The following APEX2 variants were observed in gnomAD, a reference collection of about 807,000 sequenced individuals.
APEX2 encodes the protein DNA-(apurinic or apyrimidinic site) endonuclease 2.
In APEX2, 4 loss-of-function variants were observed where a neutral mutation model predicts 16.7. That is an observed-to-expected ratio of 0.24 (90% CI 0.12 to 0.55). APEX2 has a LOEUF of 0.55. APEX2 is among the 20% of genes least tolerant of loss of function. The pLI, the probability that APEX2 is intolerant of heterozygous loss-of-function variation, is 0.94. For synonymous variants in APEX2, 181 were observed against 166.9 expected (o/e 1.08, Z -0.65); for missense variants, 357 against 433.6 (o/e 0.82, Z 1.57).
rs1186859568 is a variant in APEX2 at position 55,008,898 on chromosome X, G to GT, written c.*1468dup. On this transcript the variant is annotated 3_prime_UTR_variant, in exon 6 of 6. Transcript: ENST00000374987. ...CTAGCTCTTTGCAACTCACTGTGTAGTTTTTGGGCATTTCCTTCCTCTTTC... is the reference window on the plus strand; with the variant it reads ...CTAGCTCTTTGCAACTCACTGTGTAGTTTTTTGGGCATTTCCTTCCTCTTTC... The GT allele has an allele frequency of 5.7e-6, 2 of 348,930 alleles. No homozygotes were observed. The highest frequency in any genetic ancestry group is 2.6e-5 in the African/African-American group (1 of 38,713). The allele number at this position is 348,930 out of a possible 1,213,427, so 28.8% of individuals were successfully genotyped here.
At position 55,009,033 on chromosome X, in the gene APEX2, C is replaced by G. The variant is rs1036863783; in HGVS notation, c.*1598C>G. The G allele has an allele frequency of 1.3e-6, 1 of 760,615 alleles. No homozygotes were observed. Among genetic ancestry groups the G allele is most frequent in the Admixed American group, 3.0e-5 (1 of 32,887 alleles). 62.7% of individuals were successfully genotyped at this position (760,615 alleles called of 1,213,427 possible). A position where few individuals can be genotyped will look rare whatever the true frequency, so the allele number is the denominator to read the frequency against. Reference sequence around the variant, plus strand: ...GAGTCAGAATGCACTTGTCTGTTCCCTGTCCAATAAAAGGCTTCACATGCT... The same window carrying G: ...GAGTCAGAATGCACTTGTCTGTTCCGTGTCCAATAAAAGGCTTCACATGCT... On this transcript the variant is annotated 3_prime_UTR_variant, in exon 6 of 6. Coordinates refer to ENST00000374987, the MANE Select transcript of APEX2 (RefSeq NM_014481.4).
chrX:55,007,401 G>A lies in APEX2; in HGVS notation c.1523G>A (p.Arg508Gln), dbSNP rs948894054. Residue 508 changes from arginine (R) to glutamine (Q), a missense_variant, in exon 6 of 6, where the codon CGG becomes CAG. Arg to Gln is a conservative substitution (Grantham distance 43). Transcript: ENST00000374987. ...PRGPPTDPSS[R>Q]CNFFLWSRPS Reference sequence around the variant, plus strand: ...GGTCCTCCCACTGACCCCTCCTCCCGGTGCAACTTCTTCCTCTGGAGCAGG... The same window carrying A: ...GGTCCTCCCACTGACCCCTCCTCCCAGTGCAACTTCTTCCTCTGGAGCAGG... The A allele has an allele frequency of 3.5e-5, 41 of 1,175,474 alleles. No individual in the cohort carries two copies. The highest frequency in any genetic ancestry group is 1.4e-4 in the African/African-American group (8 of 56,317).
At position 55,003,801 on chromosome X, in the gene APEX2, A is replaced by G; in HGVS notation, c.572A>G (p.His191Arg). 8.3e-7 allele frequency: 1 copy of G among 1,210,811 alleles called. No homozygotes were observed. The highest frequency in any genetic ancestry group is 1.1e-6 in the Non-Finnish European group (1 of 894,787). The change falls in exon 5 of 6, where the codon CAT (histidine) becomes CGT (arginine). Residue 191 changes from histidine to arginine, a missense_variant and splice_region_variant. Transcript: ENST00000374987. ...RAEALLAAGS[H>R]VIILGDLNTA... ...CAATCCCACATTGTGTTTTTCAGCC[A>G]TGTGATCATTCTGGGTGACCTGAAT... is the stretch of plus-strand genomic sequence containing the variant.
At position 55,008,113 on chromosome X, in the gene APEX2, G is replaced by C. The variant is rs1013894647; in HGVS notation, c.*678G>C. 8.9e-6 allele frequency: 1 copy of C among 112,753 alleles called. No individual in the cohort carries two copies. Among genetic ancestry groups the C allele is most frequent in the East Asian group, 2.8e-4 (1 of 3,591 alleles). 9.3% of individuals were successfully genotyped at this position (112,753 alleles called of 1,213,427 possible). A position where few individuals can be genotyped will look rare whatever the true frequency, so the allele number is the denominator to read the frequency against. ...CTCAGCCCTCAGAGTTGCCAGGCAG[G>C]GCCTGGGACCACACAAGTTTCAGGG... On this transcript the variant is annotated 3_prime_UTR_variant, in exon 6 of 6. Coordinates refer to ENST00000374987, the MANE Select transcript of APEX2 (RefSeq NM_014481.4).
intron 5 of APEX2, among the ~76,000 whole-genome samples, chrX:55,004,112 G>T (rs1383078781): frequency 8.9e-6 from 1 of 112,636 alleles, no homozygotes; most frequent in Non-Finnish European, 1.9e-5. Flanking sequence ...TGGCTCCTAG[G>T]AGCTCTCCAG....
intron 3 of APEX2, 101 bp downstream of exon 3, chrX:55,002,532 A>G (rs755503893): frequency 6.9e-6 from 7 of 1,008,702 alleles, no homozygotes; most frequent in Non-Finnish European, 9.2e-6. Flanking sequence ...ACCGTGGAGA[A>G]GTTCCCAAAT....
intron 5 of APEX2, among the ~76,000 whole-genome samples, chrX:55,005,753 T>G (rs1223032568): frequency 9.1e-6 from 1 of 110,277 alleles, no homozygotes; most frequent in African/African-American, 3.3e-5. Flanking sequence ...GCACACTCCC[T>G]CCACAGGCCC....
chrX:55,004,566 G>A (rs1935480732), intron 5 of APEX2, among the ~76,000 whole-genome samples: 1 of 111,793 alleles, frequency 8.9e-6, no homozygotes, highest in Non-Finnish European at 1.9e-5. Flanking sequence ...AAAACATGGA[G>A]ACCTAGCATT....
intron 3 of APEX2, 25 bp downstream of exon 3, chrX:55,002,456 C>G (rs748000421): frequency 8.7e-7 from 1 of 1,149,781 alleles, no homozygotes; most frequent in Non-Finnish European, 1.2e-6. Flanking sequence ...CTCCCTGCTA[C>G]TGAGCACTGC....
Position 55,003,117 on chromosome X carries a change from A to G in APEX2, c.569+9A>G. The G allele has an allele frequency of 8.3e-7, 1 of 1,210,093 alleles. No individual in the cohort carries two copies. The highest frequency in any genetic ancestry group is 1.1e-6 in the Non-Finnish European group (1 of 894,584). On this transcript the variant is annotated intron_variant, in intron 4 of 5. Transcript: ENST00000374987. ...CTCCTGGCGGCAGGCAGGTACTGCA[A>G]GCCTGGGCAGTAAGGCTTCCTTGAG...
intron 5 of APEX2, among the ~76,000 whole-genome samples, 172 bp downstream of exon 5, chrX:55,004,040 G>A (rs759267815): frequency 8.9e-6 from 1 of 112,657 alleles, no homozygotes; most frequent in African/African-American, 3.2e-5. Flanking sequence ...AGACAATACT[G>A]ACTCTGCCCA....
At chrX:55,000,731 C>A in intron 1 of APEX2, 152 bp downstream of exon 1, 1 of 643,304 alleles carries the variant, frequency 1.6e-6, no homozygotes, top group Non-Finnish European at 2.2e-6. Flanking sequence ...CCATTTCCCA[C>A]CCTAGCTAGA....
intron 2 of APEX2, 51 bp downstream of exon 2, chrX:55,001,680 GA>G (rs1440739311): frequency 9.8e-7 from 1 of 1,018,428 alleles, no homozygotes; most frequent in Non-Finnish European, 1.3e-6. Flanking sequence ...GCAGATAGGG[GA>G]AAAGGGTTTC....
chrX:55,000,391 G>C lies in APEX2; in HGVS notation c.-32G>C. On this transcript the variant is annotated 5_prime_UTR_variant, in exon 1 of 6. Transcript: ENST00000374987. ...AAGCAGTTCGCTCGCGCCTAGGTTGGCGCGGGCTGGGAGGTGTTCCAGCCC... is the reference window on the plus strand; with the variant it reads ...AAGCAGTTCGCTCGCGCCTAGGTTGCCGCGGGCTGGGAGGTGTTCCAGCCC... 1.8e-6 allele frequency: 2 copies of C among 1,124,989 alleles called. No homozygotes were observed. The highest frequency in any genetic ancestry group is 2.3e-6 in the Non-Finnish European group (2 of 851,697). The allele number at this position is 1,124,989 out of a possible 1,213,427, so 92.7% of individuals were successfully genotyped here.
At position 55,007,513 on chromosome X, in the gene APEX2, C is replaced by T. The variant is rs1312496697; in HGVS notation, c.*78C>T. 4.9e-6 allele frequency: 5 copies of T among 1,011,301 alleles called. No homozygotes were observed. The highest frequency in any genetic ancestry group is 6.5e-6 in the Non-Finnish European group (5 of 766,632). 83.3% of individuals were successfully genotyped at this position (1,011,301 alleles called of 1,213,427 possible). The stretch of plus-strand genomic sequence containing the variant: ...GGCCAGCTCCCCTTCCCTGAGCTGC[C>T]TCCTGCTTCTCCCTCAAAGTCTCCT... On this transcript the variant is annotated 3_prime_UTR_variant, in exon 6 of 6. Coordinates refer to ENST00000374987, the MANE Select transcript of APEX2 (RefSeq NM_014481.4).
rs764975223 is a variant in APEX2 at position 55,004,927 on chromosome X, C to T, written c.639+1059C>T. ...AAGCCCCCAGTGTGACTTTATTGTG[C>T]AGCCAGGCTTGAGAACCACTGCCCT... On this transcript the variant is annotated intron_variant, in intron 5 of 5. Transcript: ENST00000374987. Among the ~76,000 whole-genome samples, 32 of 111,682 alleles carry T rather than the reference C, an allele frequency of 2.9e-4. No homozygotes were observed. In the South Asian group the frequency reaches 7.6e-3, roughly 26 times the overall value.
intron 4 of APEX2, 76 bp from the exon 5 acceptor site, chrX:55,003,723 C>A: frequency 9.9e-7 from 1 of 1,014,484 alleles, no homozygotes; most frequent in Non-Finnish European, 1.4e-6. Flanking sequence ...CCTGTCTGAG[C>A]TCTTGGGCCC....
At position 55,008,931 on chromosome X, in the gene APEX2, GT is replaced by G. The variant is rs1210583216; in HGVS notation, c.*1499del. ...GCATTTCCTTCCTCTTTCTCATTCT[GT>G]TTCCCTGTTGGTAAAATGGAATGGT... On this transcript the variant is annotated 3_prime_UTR_variant, in exon 6 of 6. Transcript: ENST00000374987. 1 of 397,249 alleles carries G rather than the reference GT, an allele frequency of 2.5e-6. No individual in the cohort carries two copies. Among genetic ancestry groups the G allele is most frequent in the Non-Finnish European group, 4.4e-6 (1 of 226,343 alleles). 32.7% of individuals were successfully genotyped at this position (397,249 alleles called of 1,213,427 possible).
rs775349519 is a variant in APEX2 at position 55,000,603 on chromosome X, C to T, written c.157+24C>T. 2.5e-5 allele frequency: 29 copies of T among 1,180,625 alleles called. No homozygotes were observed. In the South Asian group the frequency reaches 5.4e-4, roughly 22 times the overall value. On this transcript the variant is annotated intron_variant, in intron 1 of 5. Transcript: ENST00000374987. The stretch of plus-strand genomic sequence containing the variant: ...CAGTGAGCGCTCTGGATTCCAGGAT[C>T]CCTACATACTTTTTCTTTCCCGCTA...
Sources: allele counts gnomAD v4.1 joint callset (sites outside exome capture counted in the v4.1 genomes callset), GRCh38; gene constraint gnomAD v4.1.1; transcripts MANE v1.5; gene names NCBI Gene and HGNC (gene_info 2026-07-23, HGNC 2026-07-21).